The following MINDY4 variants were observed in gnomAD, a reference collection of about 807,000 sequenced individuals.
MINDY4 encodes MINDY lysine 48 deubiquitinase 4.
A neutral mutation model predicts 87.0 loss-of-function variants in MINDY4; 68 were observed. The ratio of observed to expected loss-of-function variants is 0.78; its 90% CI spans 0.64 to 0.96. The LOEUF (loss-of-function observed/expected upper bound fraction) is 0.96. MINDY4 is among the 40% of genes least tolerant of loss of function. MINDY4 has a pLI of 0.00. For missense variants in MINDY4, 919 were observed against 928.2 expected, an observed-to-expected ratio of 0.99 and a Z score of 0.13; for synonymous variants, 379 against 363.2, an observed-to-expected ratio of 1.04 and a Z score of -0.50.
rs1462756951 is a variant in MINDY4 at position 30,850,508 on chromosome 7, A to C, written c.1500A>C (p.Ala500=). ...HRTRCLVLAL[A]DIVWRAGGRE... ...CCCGCTGCCTCGTCCTGGCCCTCGC[A>C]GACATTGTGTGGCGGGCAGGGGGCC... is the stretch of plus-strand genomic sequence containing the variant. The change falls in exon 10 of 18, where the codon GCA becomes GCC. Residue 500 remains alanine (A), a synonymous_variant. Transcript: ENST00000265299. The C allele has an allele frequency of 1.2e-6, 2 of 1,612,352 alleles. No individual in the cohort carries two copies. The highest frequency in any genetic ancestry group is 1.7e-6 in the Non-Finnish European group (2 of 1,179,430).
At chr7:30,785,651 G>A (rs1584235636) in intron 3 of MINDY4, 98 bp from the exon 4 acceptor site, 1 of 1,390,600 alleles carries the variant, frequency 7.2e-7, no homozygotes, top group East Asian at 2.3e-5. Context: ...ATTTATTAAT[G>A]GGCTTGCTTT....
chr7:30,883,310 G>A (rs1228894784), intron 17 of MINDY4, among the ~76,000 whole-genome samples: 4 of 152,196 alleles, frequency 2.6e-5, no homozygotes, highest in Non-Finnish European at 5.9e-5. Context: ...GGCAAGTACC[G>A]TTAGGCCCGA....
At chr7:30,778,602 T>C (rs879190453) in intron 2 of MINDY4, 51 bp downstream of exon 2, 1 of 1,609,364 alleles carries the variant, frequency 6.2e-7, no homozygotes, top group African/African-American at 1.3e-5. Flanking sequence ...AGTTTGGCAC[T>C]GCCAAAGCAC....
intron 1 of MINDY4, among the ~76,000 whole-genome samples, chr7:30,774,349 C>T (rs1254195762): frequency 6.6e-6 from 1 of 152,158 alleles, no homozygotes; most frequent in Non-Finnish European, 1.5e-5. Flanking sequence ...TGGTTAGGCC[C>T]ACCCCTCCAT....
At chr7:30,776,887 G>A (rs1026271477) in intron 1 of MINDY4, among the ~76,000 whole-genome samples, 1 of 152,198 alleles carries the variant, frequency 6.6e-6, no homozygotes, top group African/African-American at 2.4e-5. Context: ...TGTTTGTTGG[G>A]CGAATGAAGT....
chr7:30,871,449 A>G (rs541984980), intron 13 of MINDY4, among the ~76,000 whole-genome samples: 1 of 152,344 alleles, frequency 6.6e-6, no homozygotes, highest in East Asian at 1.9e-4. Context: ...CAGGACAGCA[A>G]GCCGGGAAGG....
In MINDY4 at chr7:30,892,014, T is replaced by G. The variant is rs568261989; in HGVS notation, c.*9T>G. ...CAGACCCCATCCTGTGACCGTTGGA[T>G]GTGGGTAAACCCTGTGGTCCACCAC... On this transcript the variant is annotated 3_prime_UTR_variant, in exon 18 of 18. Coordinates refer to ENST00000265299, the MANE Select transcript of MINDY4 (RefSeq NM_032222.3). 3 of 1,614,120 alleles carry G rather than the reference T, an allele frequency of 1.9e-6. 1 individual carries two copies. Among genetic ancestry groups the G allele is most frequent in the Middle Eastern group, 1.6e-4 (1 of 6,062 alleles).
chr7:30,877,582 G>C (rs1790300364), intron 15 of MINDY4, among the ~76,000 whole-genome samples: 1 of 151,966 alleles, frequency 6.6e-6, no homozygotes, highest in Admixed American at 6.6e-5. Flanking sequence ...CCTCCTCCAT[G>C]AGCTCACCGA....
chr7:30,817,006 G>A (rs1454473549), intron 5 of MINDY4, among the ~76,000 whole-genome samples: 3 of 152,188 alleles, frequency 2.0e-5, no homozygotes, highest in African/African-American at 7.2e-5. Context: ...ATGACTTCTC[G>A]ATAACCCAAC....
At chr7:30,830,611 C>T (rs890088120) in intron 6 of MINDY4, among the ~76,000 whole-genome samples, 2 of 152,124 alleles carry the variant, frequency 1.3e-5, no homozygotes, top group African/African-American at 4.8e-5. Context: ...CTCATGAGAA[C>T]TCAGTATTAC....
chr7:30,782,536 T>TACA, intron 3 of MINDY4, among the ~76,000 whole-genome samples: 1 of 152,140 alleles, frequency 6.6e-6, no homozygotes, highest in African/African-American at 2.4e-5. Flanking sequence ...ACCCTGTCTC[T>TACA]ACAACAACAA....
Position 30,785,937 on chromosome 7 carries a change from A to C in MINDY4, c.608A>C (p.Lys203Thr), listed in dbSNP as rs979093415. The C allele has an allele frequency of 6.2e-7, 1 of 1,614,174 alleles. No individual in the cohort carries two copies. ...VKRMGENSRP[K>T]SGLIVRGMMS... is the part of the protein sequence containing the mutation. Reference sequence around the variant, plus strand: ...AGGATGGGAGAGAATTCCAGGCCAAAGTCTGGTCTGATTGTGCGAGGCATG... The same window carrying C: ...AGGATGGGAGAGAATTCCAGGCCAACGTCTGGTCTGATTGTGCGAGGCATG... The change falls in exon 4 of 18, where the codon AAG becomes ACG. Residue 203 changes from lysine to threonine, a missense_variant. Physicochemically the swap from Lys to Thr is moderately conservative, Grantham distance 78. Coordinates refer to ENST00000265299, the MANE Select transcript of MINDY4 (RefSeq NM_032222.3).
chr7:30,810,674 A>G (rs1787964720), intron 5 of MINDY4, among the ~76,000 whole-genome samples: 1 of 152,232 alleles, frequency 6.6e-6, no homozygotes, highest in Admixed American at 6.5e-5. Context: ...ATCTTACCTT[A>G]TGGTCCAACA....
At chr7:30,817,881 G>A (rs1463751622) in intron 5 of MINDY4, among the ~76,000 whole-genome samples, 1 of 152,202 alleles carries the variant, frequency 6.6e-6, no homozygotes, top group Non-Finnish European at 1.5e-5. Context: ...ACGTGGGAGA[G>A]TGGTAGGAGT....
intron 17 of MINDY4, among the ~76,000 whole-genome samples, chr7:30,889,686 T>C (rs1790739703): frequency 6.6e-6 from 1 of 152,198 alleles, no homozygotes; most frequent in South Asian, 2.1e-4. Flanking sequence ...GTAAATAGTC[T>C]GAAGCACTTG....
At chr7:30,859,036 C>T in intron 12 of MINDY4, 1 of 710,820 alleles carries the variant, frequency 1.4e-6, no homozygotes, top group Non-Finnish European at 2.6e-6. Flanking sequence ...TCTTTGGTGG[C>T]CCCTGCATCA....
At chr7:30,843,545 A>G (rs1336972159) in intron 9 of MINDY4, among the ~76,000 whole-genome samples, 2 of 143,862 alleles carry the variant, frequency 1.4e-5, no homozygotes, top group South Asian at 4.6e-4. Flanking sequence ...AGCATGTTCC[A>G]GGAAGAGCCG....
rs115348165 is a variant in MINDY4 at position 30,887,353 on chromosome 7, G to T, written c.2225+4360G>T. On this transcript the variant is annotated intron_variant, in intron 17 of 17. Coordinates refer to ENST00000265299, the MANE Select transcript of MINDY4 (RefSeq NM_032222.3). ...AGCTGTGTGAGCTCCAGAAGGTCTG[G>T]TTCTGCTCCCAGCCTTAGTTTCCCC... 3.2e-3 allele frequency among the ~76,000 whole-genome samples: 489 copies of T among 152,352 alleles called. 1 individual carries two copies. The highest frequency in any genetic ancestry group is 0.011 in the African/African-American group (470 of 41,574).
At chr7:30,827,454 C>T (rs917928702) in intron 5 of MINDY4, among the ~76,000 whole-genome samples, 4 of 152,184 alleles carry the variant, frequency 2.6e-5, no homozygotes, top group Admixed American at 6.5e-5. Context: ...CTGACACAAA[C>T]TCAGTGTCGA....
Sources: gnomAD v4.1 joint callset for allele counts (sites outside exome capture counted in the v4.1 genomes callset) on GRCh38, gnomAD v4.1.1 for gene constraint, MANE v1.5 for transcripts, NCBI Gene and HGNC (gene_info 2026-07-23, HGNC 2026-07-21) for gene names.